The following PLPP1 variants were observed in gnomAD, a reference collection of about 807,000 sequenced individuals.
PLPP1 encodes the protein phospholipid phosphatase 1, also known as lipid phosphate phosphohydrolase 1a.
A neutral mutation model predicts 31.2 loss-of-function variants in PLPP1; 24 were observed. The ratio of observed to expected loss-of-function variants is 0.77; its 90% CI spans 0.56 to 1.08. The LOEUF (loss-of-function observed/expected upper bound fraction) is 1.08. Among genes scored for constraint, PLPP1 ranks in the 50% least tolerant of loss-of-function variants. The pLI is 0.00. For synonymous variants in PLPP1, 146 were observed against 126.3 expected (o/e 1.16, Z -1.05); for missense variants, 319 against 342.7 (o/e 0.93, Z 0.55).
intron 1 of PLPP1, chr5:55,490,908 T>C (rs1752874280): frequency 3.2e-6 from 5 of 1,541,672 alleles, no homozygotes; most frequent in Non-Finnish European, 4.4e-6. Flanking sequence ...CCATGCTTCA[T>C]CCAACCTCCA....
At chr5:55,425,791 A>AT (rs3217330) in intron 5 of PLPP1, 72 bp downstream of exon 5, 770,366 of 1,008,384 alleles carry the variant, frequency 0.76, 275,521 homozygotes, top group Admixed American at 0.84. Flanking sequence ...GATTTTTTGG[A>AT]TTTTTTTTTT....
At chr5:55,443,192 A>AAATATATATATATATATATATATAT in intron 3 of PLPP1, among the ~76,000 whole-genome samples, 1 of 25,418 alleles carries the variant, frequency 3.9e-5, no homozygotes, top group Non-Finnish European at 8.6e-5. Flanking sequence ...AAAAAAAAAA[A>AAATATATATATATATATATATATAT]ATATATATAT....
intron 1 of PLPP1, among the ~76,000 whole-genome samples, chr5:55,506,263 T>TA (rs201809819): frequency 0.7 from 89,435 of 128,378 alleles, 30,951 homozygotes; most frequent in Non-Finnish European, 0.78. Context: ...AGCAAATTAC[T>TA]AAAAAAAAAA....
intron 3 of PLPP1, among the ~76,000 whole-genome samples, chr5:55,458,886 C>CAAAAAAAAAAAAA: frequency 7.3e-5 from 1 of 13,616 alleles, no homozygotes; most frequent in South Asian, 2.5e-3. Context: ...GACCCTGTCT[C>CAAAAAAAAAAAAA]CAAAAAAAAA....
At chr5:55,437,574 C>T (rs186719864) in intron 4 of PLPP1, among the ~76,000 whole-genome samples, 2 of 151,544 alleles carry the variant, frequency 1.3e-5, no homozygotes. Flanking sequence ...ACAGCAGGCT[C>T]AATGCAAAGA....
intron 1 of PLPP1, among the ~76,000 whole-genome samples, chr5:55,527,599 A>C (rs1386501942): frequency 6.6e-6 from 1 of 152,230 alleles, no homozygotes; most frequent in Non-Finnish European, 1.5e-5. Flanking sequence ...GGGTCCTGCC[A>C]AGAAAAGCAG....
chr5:55,462,430 G>A lies in PLPP1; in HGVS notation c.491+5439C>T, dbSNP rs565294050. On this transcript the variant is annotated intron_variant, in intron 3 of 5. Transcript: ENST00000307259. ...TCAATAAATAATGTTGGAACAACCAGATATTCAATGGAGAAAAAGTAGATA... is the reference window on the plus strand; with the variant it reads ...TCAATAAATAATGTTGGAACAACCAAATATTCAATGGAGAAAAAGTAGATA... Among the ~76,000 whole-genome samples, 124 of 152,144 alleles carry A rather than the reference G, an allele frequency of 8.2e-4. 1 individual carries two copies. Among genetic ancestry groups the A allele is most frequent in the African/African-American group, 2.8e-3 (117 of 41,508 alleles).
chr5:55,468,684 TC>T (rs1192638152), intron 2 of PLPP1, among the ~76,000 whole-genome samples: 1 of 152,066 alleles, frequency 6.6e-6, no homozygotes, highest in Non-Finnish European at 1.5e-5. Flanking sequence ...GTGCCTGTAA[TC>T]CCAGCTACTT....
intron 3 of PLPP1, among the ~76,000 whole-genome samples, chr5:55,448,122 C>T (rs563475068): frequency 7.6e-4 from 116 of 152,260 alleles, no homozygotes; most frequent in Middle Eastern, 3.4e-3. Context: ...TGAACATAAA[C>T]TTTTCCTAAG....
intron 1 of PLPP1, among the ~76,000 whole-genome samples, chr5:55,517,974 G>A (rs1451504308): frequency 6.6e-6 from 1 of 152,168 alleles, no homozygotes; most frequent in African/African-American, 2.4e-5. Context: ...AGCCTCCTGA[G>A]CAGCTGGGAT....
intron 3 of PLPP1, among the ~76,000 whole-genome samples, chr5:55,448,391 T>C (rs770896259): frequency 3.3e-5 from 5 of 151,358 alleles, no homozygotes; most frequent in Non-Finnish European, 4.4e-5. Context: ...CCTAGAGAAA[T>C]GCAGACGTTT....
chr5:55,526,481 G>A (rs1240754486), intron 1 of PLPP1, among the ~76,000 whole-genome samples: 1 of 152,084 alleles, frequency 6.6e-6, no homozygotes, highest in Non-Finnish European at 1.5e-5. Context: ...TAGGATTCTA[G>A]ACTGACCCAA....
At chr5:55,531,175 C>A (rs1396055489) in intron 1 of PLPP1, among the ~76,000 whole-genome samples, 1 of 152,210 alleles carries the variant, frequency 6.6e-6, no homozygotes, top group Non-Finnish European at 1.5e-5. Flanking sequence ...AATTCTCATT[C>A]TTTTTCCAAG....
chr5:55,534,882 C>T lies in PLPP1; in HGVS notation c.-253G>A. ...TGCCGAGGCGCTCGTGTGCCAGCCG[C>T]GGCAGCTCTGTAGCCTCAGGACCTC... On this transcript the variant is annotated 5_prime_UTR_variant, in exon 1 of 6. Coordinates refer to ENST00000307259, the MANE Select transcript of PLPP1 (RefSeq NM_003711.4). 2 of 490,850 alleles carry T rather than the reference C, an allele frequency of 4.1e-6. No homozygotes were observed. Among genetic ancestry groups the T allele is most frequent in the South Asian group, 5.5e-5 (2 of 36,456 alleles). 30.4% of individuals were successfully genotyped at this position (490,850 alleles called of 1,614,324 possible).
chr5:55,464,318 C>T (rs139016159), intron 3 of PLPP1, among the ~76,000 whole-genome samples: 264 of 151,270 alleles, frequency 1.7e-3, no homozygotes, highest in African/African-American at 5.9e-3. Flanking sequence ...CTCCACCACA[C>T]GGGTTCAAAG....
chr5:55,435,214 T>C (rs2111685617), intron 4 of PLPP1, among the ~76,000 whole-genome samples: 1 of 152,268 alleles, frequency 6.6e-6, no homozygotes, highest in Non-Finnish European at 1.5e-5. Context: ...ATGGCCATTA[T>C]TAAAAAGACC....
At chr5:55,459,519 T>C (rs763311788) in intron 3 of PLPP1, among the ~76,000 whole-genome samples, 8 of 152,186 alleles carry the variant, frequency 5.3e-5, no homozygotes, top group African/African-American at 1.2e-4. Flanking sequence ...TTCTCCAGAA[T>C]AGACTGTATG....
intron 2 of PLPP1, among the ~76,000 whole-genome samples, chr5:55,469,674 C>T (rs1752379615): frequency 6.6e-6 from 1 of 152,118 alleles, no homozygotes; most frequent in Non-Finnish European, 1.5e-5. Flanking sequence ...TCAAACATTT[C>T]CATTTAATGA....
chr5:55,464,842 C>T (rs886472943), intron 3 of PLPP1, among the ~76,000 whole-genome samples: 2 of 152,074 alleles, frequency 1.3e-5, no homozygotes, highest in Non-Finnish European at 2.9e-5. Context: ...CAGGGACAAG[C>T]TTTTCAAATA....
Sources: allele counts gnomAD v4.1 joint callset (sites outside exome capture counted in the v4.1 genomes callset), GRCh38; gene constraint gnomAD v4.1.1; transcripts MANE v1.5; gene names NCBI Gene and HGNC (gene_info 2026-07-23, HGNC 2026-07-21).